The following NTN1 variants were observed in gnomAD, a reference collection of about 807,000 sequenced individuals.
NTN1 encodes netrin 1.
Under a neutral mutation model 54.2 loss-of-function variants are expected in NTN1, and 11 were observed. That is an observed-to-expected ratio of 0.20 (90% CI 0.13 to 0.34). The LOEUF (loss-of-function observed/expected upper bound fraction) is 0.34. Ranked by LOEUF, NTN1 falls within the 10% of genes least tolerant of loss-of-function variation. The pLI is 1.00. For synonymous variants in NTN1, 371 were observed against 382.0 expected (o/e 0.97, Z 0.33); for missense variants, 740 against 893.1 (o/e 0.83, Z 2.18).
At chr17:9,031,792 AAAAC>A (rs200417824) in intron 2 of NTN1, among the ~76,000 whole-genome samples, 29 of 151,066 alleles carry the variant, frequency 1.9e-4, no homozygotes, top group East Asian at 3.9e-4. Flanking sequence ...TAAAAATACA[AAAAC>A]AAACAAACAA....
rs1197454800 is a variant in NTN1 at position 9,212,401 on chromosome 17, C to T, written c.1412-8767C>T. On this transcript the variant is annotated intron_variant, in intron 5 of 6. Transcript: ENST00000173229. The surrounding 1 kb of genome is among the most constrained non-coding windows in gnomAD (Gnocchi z 5.5). The stretch of plus-strand genomic sequence containing the variant: ...CGGATGCCTGCGGCACCTTGAAAAC[C>T]GAACACATGGAAATCTGGACTCTCT... Among the ~76,000 whole-genome samples the T allele has an allele frequency of 2.6e-5, 4 of 152,138 alleles. No individual in the cohort carries two copies. The highest frequency in any genetic ancestry group is 2.1e-4 in the South Asian group (1 of 4,826).
chr17:9,126,788 G>T (rs2142266270), intron 2 of NTN1, among the ~76,000 whole-genome samples: 1 of 152,210 alleles, frequency 6.6e-6, no homozygotes, highest in South Asian at 2.1e-4. Flanking sequence ...TGGGAGTCGT[G>T]GCCTTGAGGG....
chr17:9,193,577 G>A (rs1904524988), intron 5 of NTN1, among the ~76,000 whole-genome samples: 1 of 152,014 alleles, frequency 6.6e-6, no homozygotes, highest in Non-Finnish European at 1.5e-5. Flanking sequence ...GCACTTCTTG[G>A]TTCTCCCCCA....
upstream of NTN1, among the ~76,000 whole-genome samples, chr17:9,021,139 G>A (rs922833328): frequency 3.9e-5 from 6 of 152,080 alleles, no homozygotes; most frequent in African/African-American, 1.4e-4. Context: ...GGAGAAAGTG[G>A]CCCCCTTCCC....
At chr17:9,144,756 C>T (rs1023052827) in intron 2 of NTN1, among the ~76,000 whole-genome samples, 7 of 152,250 alleles carry the variant, frequency 4.6e-5, no homozygotes, top group African/African-American at 1.4e-4. Context: ...GGTTTGCTGA[C>T]GAAACAAGCG....
chr17:9,034,715 G>A (rs912794333), intron 2 of NTN1, among the ~76,000 whole-genome samples: 9 of 151,992 alleles, frequency 5.9e-5, no homozygotes, highest in African/African-American at 1.7e-4. Context: ...GAGCCACTGC[G>A]CCTGGCCTTG....
At chr17:9,137,694 T>C (rs1449355363) in intron 2 of NTN1, among the ~76,000 whole-genome samples, 1 of 151,812 alleles carries the variant, frequency 6.6e-6, no homozygotes, top group African/African-American at 2.4e-5. Context: ...CTTGGGAGGC[T>C]GAGGCAGGAG....
intron 3 of NTN1, among the ~76,000 whole-genome samples, chr17:9,168,514 G>A (rs1037479060): frequency 3.3e-5 from 5 of 150,166 alleles, no homozygotes; most frequent in South Asian, 4.2e-4. Context: ...CCTGGGCAAC[G>A]AGAGTGAAAC....
intron 2 of NTN1, among the ~76,000 whole-genome samples, chr17:9,029,847 C>G (rs901537193): frequency 6.6e-6 from 1 of 152,064 alleles, no homozygotes; most frequent in African/African-American, 2.4e-5. Flanking sequence ...CAAAAATTAG[C>G]TGGGCGTGGT....
At chr17:9,022,006 G>A (rs2091850457) in intron 1 of NTN1, among the ~76,000 whole-genome samples, 1 of 152,148 alleles carries the variant, frequency 6.6e-6, no homozygotes, top group African/African-American at 2.4e-5. Context: ...GAAACTTGGG[G>A]TGCGAGGGGG....
At chr17:9,233,036 T>C (rs1179774374) in intron 6 of NTN1, among the ~76,000 whole-genome samples, 1 of 151,986 alleles carries the variant, frequency 6.6e-6, no homozygotes, top group East Asian at 1.9e-4. Flanking sequence ...AAGCCTCCCC[T>C]AGCTGGACCG....
intron 5 of NTN1, among the ~76,000 whole-genome samples, chr17:9,195,230 C>G (rs938594090): frequency 6.6e-6 from 1 of 151,746 alleles, no homozygotes; most frequent in Non-Finnish European, 1.5e-5. Context: ...CTCCATCACC[C>G]CAAGGAGCAC....
intron 6 of NTN1, among the ~76,000 whole-genome samples, chr17:9,236,951 C>T (rs1010712861): frequency 4.4e-4 from 67 of 152,186 alleles, no homozygotes; most frequent in Non-Finnish European, 1.5e-4. Context: ...AGTGAGAAGG[C>T]CCCCTGGGAG....
chr17:9,193,938 A>AAAAAAAAAAAAAAAAAAAAACC (rs796452392), intron 5 of NTN1, among the ~76,000 whole-genome samples: 1 of 108,306 alleles, frequency 9.2e-6, no homozygotes, highest in Non-Finnish European at 1.9e-5. Flanking sequence ...AAAAAAAAAA[A>AAAAAAAAAAAAAAAAAAAAACC]AAAAAACATT....
At chr17:9,045,457 T>C (rs1420778070) in intron 2 of NTN1, among the ~76,000 whole-genome samples, 1 of 152,162 alleles carries the variant, frequency 6.6e-6, no homozygotes, top group Non-Finnish European at 1.5e-5. Context: ...GGCAGCTTCC[T>C]ACAGAAACGG....
At chr17:9,226,434 AGGCGGTCTCGTGGGGAGGCTGTCTCG>A (rs1567744929) in intron 6 of NTN1, among the ~76,000 whole-genome samples, 3,193 of 99,150 alleles carry the variant, frequency 0.032, 114 homozygotes, top group African/African-American at 0.15. Flanking sequence ...TCTCGTGGGG[AGGCGGTCTCGTGGGGAGGCTGTCTCG>A]TGGGGAGGCT....
At chr17:9,227,363 TACAC>T (rs1024443182) in intron 6 of NTN1, among the ~76,000 whole-genome samples, 19 of 131,698 alleles carry the variant, frequency 1.4e-4, no homozygotes, top group Middle Eastern at 4.2e-3. Context: ...ACTCACATCA[TACAC>T]ACACCATCAC....
chr17:9,203,752 G>A (rs1448402836), intron 5 of NTN1, among the ~76,000 whole-genome samples: 1 of 152,038 alleles, frequency 6.6e-6, no homozygotes, highest in African/African-American at 2.4e-5. Context: ...GCAGTGAGCT[G>A]AGATCATGCC....
intron 2 of NTN1, among the ~76,000 whole-genome samples, chr17:9,153,322 G>A (rs919301022): frequency 1.3e-5 from 2 of 151,906 alleles, no homozygotes; most frequent in African/African-American, 4.8e-5. Flanking sequence ...GGTGGCGGGT[G>A]CCTGTAATCC....
Sources: gnomAD v4.1 joint callset for allele counts (sites outside exome capture counted in the v4.1 genomes callset) on GRCh38, gnomAD v4.1.1 for gene constraint, Gnocchi (gnomAD v3.1) non-coding constraint, MANE v1.5 for transcripts, NCBI Gene and HGNC (gene_info 2026-07-23, HGNC 2026-07-21) for gene names.